FBXO34: variants seen among roughly 807,000 people sequenced by gnomAD.
FBXO34 encodes the protein F-box only protein 34.
FBXO34 carries 12 observed loss-of-function variants against 24.5 expected under a neutral mutation model. The ratio of observed to expected loss-of-function variants is 0.49; its 90% CI spans 0.31 to 0.79. FBXO34 has a LOEUF of 0.79. Ranked by LOEUF, FBXO34 falls within the 30% of genes least tolerant of loss-of-function variation. The pLI is 0.04. For synonymous variants in FBXO34, 320 were observed against 311.9 expected, an observed-to-expected ratio of 1.03 and a Z score of -0.27; for missense variants, 823 against 857.7, an observed-to-expected ratio of 0.96 and a Z score of 0.51.
At chr14:55,420,481 G>C in the FBXO34 span, among the ~76,000 whole-genome samples, 1 of 152,184 alleles carries the variant, frequency 6.6e-6, no homozygotes, top group African/African-American at 2.4e-5. Flanking sequence ...GTTTAAGACA[G>C]TATAGCATGA....
chr14:55,382,600 C>T, the FBXO34 span, among the ~76,000 whole-genome samples: 9 of 152,106 alleles, frequency 5.9e-5, no homozygotes, highest in Non-Finnish European at 1.0e-4. Context: ...CATGAGCTAC[C>T]GTGACCAGCC....
chr14:55,428,941 A>ATATTTTCT, the FBXO34 span: 1 of 1,614,200 alleles, frequency 6.2e-7, no homozygotes, highest in Non-Finnish European at 8.5e-7. Flanking sequence ...CCACACGAGC[A>ATATTTTCT]TATTTTCTTG....
chr14:55,334,833 G>A (rs770648861), intron 1 of FBXO34, among the ~76,000 whole-genome samples: 11 of 152,188 alleles, frequency 7.2e-5, no homozygotes, highest in Non-Finnish European at 1.2e-4. Context: ...GAAGGGTCCA[G>A]CATCCAAAAA....
downstream of FBXO34, among the ~76,000 whole-genome samples, chr14:55,364,918 T>A (rs1430263053): frequency 6.6e-6 from 1 of 151,650 alleles, no homozygotes. Context: ...TCAATTTTTG[T>A]AGAAATGGGG....
At chr14:55,388,080 T>G in the FBXO34 span, among the ~76,000 whole-genome samples, 2 of 151,950 alleles carry the variant, frequency 1.3e-5, no homozygotes, top group African/African-American at 4.8e-5. Flanking sequence ...AAGGTTGCAG[T>G]GAGCCGAGAT....
chr14:55,298,913 T>C lies in FBXO34; in HGVS notation c.-11+27376T>C, dbSNP rs879042767. Reference sequence around the variant, plus strand: ...AGGCCCTGGAGAATGCCAACACCAATACCGAGGTGCTCAAGAACATGGGCT... The same window carrying C: ...AGGCCCTGGAGAATGCCAACACCAACACCGAGGTGCTCAAGAACATGGGCT... On this transcript the variant is annotated intron_variant, in intron 1 of 1. Coordinates refer to ENST00000313833, the MANE Select transcript of FBXO34 (RefSeq NM_017943.4). The C allele has an allele frequency of 1.4e-5, 22 of 1,575,136 alleles. No homozygotes were observed. The African/African-American group carries it at 3.0e-4, about 21-fold the overall frequency.
chr14:55,400,667 C>T, the FBXO34 span, among the ~76,000 whole-genome samples: 2 of 152,150 alleles, frequency 1.3e-5, no homozygotes, highest in Non-Finnish European at 2.9e-5. Context: ...CTTTGGGAGG[C>T]CAAGGCGGGT....
At chr14:55,299,311 T>C in intron 1 of FBXO34, 2 of 623,138 alleles carry the variant, frequency 3.2e-6, no homozygotes, top group East Asian at 5.7e-5. Flanking sequence ...GTTCCATCGC[T>C]CTCGACTCTC....
rs758392460 is a variant in FBXO34, at chr14:55,351,764, C to T, written c.1374C>T (p.Ile458=). ...GAAAAGAATCTTTGTGCATTAGTAT[C>T]ACTGTGTCCAAGGTAGACAAAGACC... ...DQRKESLCIS[I]TVSKVDKDQP... Residue 458 remains isoleucine (I), a synonymous_variant, in exon 2 of 2, where the codon ATC becomes ATT. Transcript: ENST00000313833. 2 of 1,614,188 alleles carry T rather than the reference C, an allele frequency of 1.2e-6. No homozygotes were observed. Among genetic ancestry groups the T allele is most frequent in the East Asian group, 2.2e-5 (1 of 44,886 alleles).
Position 55,350,521 on chromosome 14 carries a change from C to T in FBXO34, c.131C>T (p.Thr44Ile), listed in dbSNP as rs1252258377. The T allele has an allele frequency of 3.7e-6, 6 of 1,613,914 alleles. No homozygotes were observed. In the African/African-American group the frequency reaches 5.3e-5, roughly 14 times the overall value. ...GAAACATGCAAAGCTAGCCACATAA[C>T]ATCAAGTGTCTTTCCTTCAGCCTCT... is the stretch of plus-strand genomic sequence containing the variant. Reference protein sequence around the residue: ...NDETCKASHITSSVFPSASLG... With the variant: ...NDETCKASHIISSVFPSASLG... The change falls in exon 2 of 2, where the codon ACA (threonine) becomes ATA (isoleucine). Residue 44 changes from threonine to isoleucine, a missense_variant. By Grantham distance (89) the Thr-to-Ile change is moderately conservative (BLOSUM62 -1). This residue lies in a region of FBXO34 where 693 missense variants were observed against 659.1 expected (regional missense o/e 1.05). Coordinates refer to ENST00000313833, the MANE Select transcript of FBXO34 (RefSeq NM_017943.4).
the FBXO34 span, among the ~76,000 whole-genome samples, chr14:55,429,600 C>T: frequency 2.0e-5 from 3 of 151,912 alleles, no homozygotes; most frequent in Non-Finnish European, 4.4e-5. Flanking sequence ...GCTGTCTCTA[C>T]TAAAAATACA....
chr14:55,412,838 T>G, the FBXO34 span, among the ~76,000 whole-genome samples: 1 of 152,186 alleles, frequency 6.6e-6, no homozygotes, highest in African/African-American at 2.4e-5. Flanking sequence ...TGTTGGAAAC[T>G]GACTTCTGCC....
At chr14:55,439,250 A>T in the FBXO34 span, among the ~76,000 whole-genome samples, 10 of 140,512 alleles carry the variant, frequency 7.1e-5, no homozygotes, top group African/African-American at 2.1e-4. Context: ...AATGCTAAGG[A>T]TTTTTAAGTC....
the FBXO34 span, among the ~76,000 whole-genome samples, chr14:55,427,004 A>G: frequency 6.6e-6 from 1 of 152,202 alleles, no homozygotes; most frequent in African/African-American, 2.4e-5. Context: ...TGTAGACACA[A>G]CCTTAGAGTT....
chr14:55,279,131 AC>A (rs1881443995), intron 1 of FBXO34, among the ~76,000 whole-genome samples: 1 of 152,166 alleles, frequency 6.6e-6, no homozygotes, highest in Admixed American at 6.5e-5. Flanking sequence ...TACTAAAAAT[AC>A]AAAAATTAGC....
chr14:55,411,953 T>G, the FBXO34 span: 1 of 812,776 alleles, frequency 1.2e-6, no homozygotes, highest in Non-Finnish European at 1.9e-6. Context: ...CCGCCGCGTG[T>G]TCCTGTCCCG....
At chr14:55,401,248 CATCCAA>C in the FBXO34 span, among the ~76,000 whole-genome samples, 2 of 150,494 alleles carry the variant, frequency 1.3e-5, no homozygotes, top group Non-Finnish European at 2.9e-5. Flanking sequence ...CTATGTCCTT[CATCCAA>C]TTTTTTATAG....
At chr14:55,274,808 T>C (rs533091583) in intron 1 of FBXO34, among the ~76,000 whole-genome samples, 3 of 152,354 alleles carry the variant, frequency 2.0e-5, no homozygotes, top group East Asian at 1.9e-4. Context: ...AACATACTTA[T>C]CTTTAGAGAC....
At chr14:55,391,693 T>C in the FBXO34 span, among the ~76,000 whole-genome samples, 1 of 152,106 alleles carries the variant, frequency 6.6e-6, no homozygotes, top group Non-Finnish European at 1.5e-5. Context: ...ATGTTTGACA[T>C]CACATATGGC....
Sources: gnomAD v4.1 joint callset for allele counts (sites outside exome capture counted in the v4.1 genomes callset) on GRCh38, gnomAD v4.1.1 for gene constraint, gnomAD v4.1.1 regional missense constraint, MANE v1.5 for transcripts, NCBI Gene and HGNC (gene_info 2026-07-23, HGNC 2026-07-21) for gene names.